TFEC: variants seen among roughly 807,000 people sequenced by gnomAD.
The protein encoded by TFEC is class E basic helix-loop-helix protein 34.
A neutral mutation model predicts 41.6 loss-of-function variants in TFEC; 31 were observed. That is an observed-to-expected ratio of 0.74 (90% CI 0.56 to 1.01). The LOEUF is 1.01. TFEC is among the 50% of genes least tolerant of loss of function. The pLI is 0.00. For missense variants in TFEC, 402 were observed against 404.1 expected (o/e 0.99, Z 0.04); for synonymous variants, 143 against 140.6 (o/e 1.02, Z -0.12).
rs559042305 is a variant in TFEC at position 116,118,633 on chromosome 7, A to G, written c.-68-6595T>C. 1.3e-3 allele frequency among the ~76,000 whole-genome samples: 202 copies of G among 151,978 alleles called. 1 individual carries two copies. The highest frequency in any genetic ancestry group is 4.3e-3 in the Admixed American group (65 of 15,218). ...GTAATAAATGAGGTATATCTAAAGA[A>G]TTTAGACATGATTAGTGGTGTCTAA... is the stretch of plus-strand genomic sequence containing the variant. On this transcript the variant is annotated intron_variant, in intron 1 of 8. Coordinates refer to the TFEC transcript ENST00000484212.
chr7:115,982,496 T>C (rs1793672808), intron 2 of TFEC, among the ~76,000 whole-genome samples: 1 of 152,216 alleles, frequency 6.6e-6, no homozygotes, highest in Non-Finnish European at 1.5e-5. Flanking sequence ...AGTCTGTGAA[T>C]GATGGCAGTA....
chr7:115,974,135 G>T, intron 3 of TFEC, 35 bp downstream of exon 3: 1 of 1,525,222 alleles, frequency 6.6e-7, no homozygotes, highest in Non-Finnish European at 8.9e-7. Flanking sequence ...ATTCATTTCT[G>T]TTTCAATGAC....
intron 1 of TFEC, among the ~76,000 whole-genome samples, chr7:115,998,548 T>G (rs780982461): frequency 6.8e-6 from 1 of 147,942 alleles, no homozygotes; most frequent in Non-Finnish European, 1.5e-5. Context: ...AATGGATAAG[T>G]AAAAAAAAAC....
intron 3 of TFEC, among the ~76,000 whole-genome samples, chr7:116,093,869 T>A (rs1797386367): frequency 6.6e-6 from 1 of 152,234 alleles, no homozygotes; most frequent in African/African-American, 2.4e-5. Flanking sequence ...AGAAATGTGG[T>A]AATGTTCACT....
chr7:116,073,463 T>A (rs550005282), intron 3 of TFEC, among the ~76,000 whole-genome samples: 20 of 151,874 alleles, frequency 1.3e-4, no homozygotes, highest in African/African-American at 3.4e-4. Context: ...TTTTTTTTTT[T>A]ATTATACTTT....
chr7:116,068,198 C>T (rs1299704688), intron 3 of TFEC, among the ~76,000 whole-genome samples: 3 of 151,514 alleles, frequency 2.0e-5, no homozygotes, highest in South Asian at 4.2e-4. Flanking sequence ...GTATTTTTGT[C>T]GGGGGTTGGG....
intron 1 of TFEC, among the ~76,000 whole-genome samples, chr7:116,029,338 C>A (rs1411369848): frequency 6.6e-6 from 1 of 151,832 alleles, no homozygotes; most frequent in East Asian, 1.9e-4. Context: ...AAATATTTAA[C>A]ATAAATTTAA....
At chr7:116,139,817 C>A (rs1406916797) in intron 1 of TFEC, among the ~76,000 whole-genome samples, 3 of 152,034 alleles carry the variant, frequency 2.0e-5, no homozygotes, top group Non-Finnish European at 2.9e-5. Context: ...GATAAATCAC[C>A]AGATGATGGT....
intron 3 of TFEC, among the ~76,000 whole-genome samples, chr7:116,045,749 G>A (rs1297950884): frequency 1.3e-5 from 2 of 152,208 alleles, no homozygotes; most frequent in African/African-American, 2.4e-5. Context: ...CAAGACCCCA[G>A]AATGGTAGAT....
chr7:116,046,527 T>TC (rs1796169128), intron 3 of TFEC, among the ~76,000 whole-genome samples: 1 of 152,160 alleles, frequency 6.6e-6, no homozygotes, highest in African/African-American at 2.4e-5. Flanking sequence ...TAAACCTCTT[T>TC]TTCTTCCCAG....
intron 1 of TFEC, among the ~76,000 whole-genome samples, chr7:116,119,244 A>G (rs1798057151): frequency 6.6e-6 from 1 of 151,910 alleles, no homozygotes; most frequent in Admixed American, 6.6e-5. Context: ...GAAGTGGTAT[A>G]TTTAACCCAG....
chr7:115,991,255 A>T (rs549999796), intron 1 of TFEC, among the ~76,000 whole-genome samples: 1 of 152,338 alleles, frequency 6.6e-6, no homozygotes, highest in South Asian at 2.1e-4. Flanking sequence ...CAACTAGTAC[A>T]AGCCACTGCA....
intron 3 of TFEC, among the ~76,000 whole-genome samples, chr7:116,039,079 A>G (rs945462484): frequency 2.0e-5 from 3 of 151,848 alleles, no homozygotes; most frequent in Non-Finnish European, 4.4e-5. Flanking sequence ...CCTTCAAAGG[A>G]AATTAACCTG....
intron 3 of TFEC, among the ~76,000 whole-genome samples, chr7:116,089,383 G>A (rs1366642182): frequency 1.3e-5 from 2 of 152,136 alleles, no homozygotes; most frequent in Non-Finnish European, 2.9e-5. Context: ...TCTACCTCAG[G>A]AGTGTAATGT....
intron 1 of TFEC, among the ~76,000 whole-genome samples, chr7:116,027,484 T>C (rs1383094378): frequency 1.3e-5 from 2 of 152,110 alleles, no homozygotes; most frequent in Non-Finnish European, 2.9e-5. Context: ...TAGTACCAGC[T>C]ACTCTGGGGG....
intron 1 of TFEC, among the ~76,000 whole-genome samples, chr7:115,996,679 C>T (rs1339713850): frequency 1.3e-5 from 2 of 152,040 alleles, no homozygotes; most frequent in African/African-American, 4.8e-5. Flanking sequence ...GCTGGACATT[C>T]TCTTGGCCAG....
At position 116,134,672 on chromosome 7, in the gene TFEC, C is replaced by T. The variant is rs191658764; in HGVS notation, c.-68-22634G>A. On this transcript the variant is annotated intron_variant, in intron 1 of 8. Coordinates refer to the TFEC transcript ENST00000484212. The stretch of plus-strand genomic sequence containing the variant: ...TATACGAAAAATTAGAAGTCTTCTT[C>T]GCCCTTTTTTGATAACTGCATTAAG... Among the ~76,000 whole-genome samples the T allele has an allele frequency of 4.6e-5, 7 of 152,196 alleles. No homozygotes were observed. In the South Asian group the frequency reaches 6.2e-4, roughly 14 times the overall value.
chr7:116,105,978 T>C (rs1405905585), intron 3 of TFEC, among the ~76,000 whole-genome samples: 1 of 152,010 alleles, frequency 6.6e-6, no homozygotes, highest in Non-Finnish European at 1.5e-5. Context: ...AAAGAAAGAA[T>C]TTCTTTTCTT....
At chr7:116,030,900 C>T (rs1795764207), upstream of TFEC, 5 of 861,522 alleles carry the variant, frequency 5.8e-6, no homozygotes, top group Non-Finnish European at 2.8e-6. Flanking sequence ...AAGACGACTT[C>T]CTTTCTTTAT....
Sources: allele counts gnomAD v4.1 joint callset (sites outside exome capture counted in the v4.1 genomes callset), GRCh38; gene constraint gnomAD v4.1.1; transcripts MANE v1.5; gene names NCBI Gene and HGNC (gene_info 2026-07-23, HGNC 2026-07-21).